The following ACTR3C variants were observed in gnomAD, a reference collection of about 807,000 sequenced individuals.
The protein encoded by ACTR3C is actin related protein 3C, also known as actin-related protein 3C.
In ACTR3C, 18 loss-of-function variants were observed where a neutral mutation model predicts 26.3. That is an observed-to-expected ratio of 0.68 (90% confidence interval 0.47 to 1.01). The LOEUF (loss-of-function observed/expected upper bound fraction) is 1.01. Among genes scored for constraint, ACTR3C ranks in the 50% least tolerant of loss-of-function variants. ACTR3C has a pLI of 0.00. For synonymous variants in ACTR3C, 55 were observed against 94.5 expected (o/e 0.58, Z 2.42); for missense variants, 184 against 250.7 (o/e 0.73, Z 1.80).
chr7:150,179,681 G>T, the ACTR3C span, among the ~76,000 whole-genome samples: 1 of 151,222 alleles, frequency 6.6e-6, no homozygotes, highest in Non-Finnish European at 1.5e-5. Context: ...GTAGAGGCAG[G>T]GGTCTCGCTA....
chr7:150,101,695 A>G, the ACTR3C span, among the ~76,000 whole-genome samples: 4 of 151,530 alleles, frequency 2.6e-5, no homozygotes, highest in African/African-American at 9.7e-5. Context: ...TGAGAGTCTC[A>G]CAGAAGCTCT....
At chr7:150,057,243 T>G in the ACTR3C span, among the ~76,000 whole-genome samples, 1 of 150,720 alleles carries the variant, frequency 6.6e-6, no homozygotes, top group Non-Finnish European at 1.5e-5. Flanking sequence ...GGTATACTTA[T>G]CTGAGCATTT....
chr7:150,156,020 G>C, the ACTR3C span, among the ~76,000 whole-genome samples: 1 of 152,004 alleles, frequency 6.6e-6, no homozygotes, highest in Non-Finnish European at 1.5e-5. Context: ...GGAATGGAGA[G>C]GGAATTGTGG....
intron 7 of ACTR3C, chr7:150,248,210 C>T (rs1284956370): frequency 6.6e-6 from 1 of 152,288 alleles, no homozygotes; most frequent in Non-Finnish European, 1.5e-5. Flanking sequence ...AGTAAGCCCA[C>T]TTCCACCAGG....
chr7:150,297,704 T>C (rs190161840), intron 1 of ACTR3C, among the ~76,000 whole-genome samples: 9,621 of 149,942 alleles, frequency 0.064, no homozygotes, highest in Non-Finnish European at 0.076. Context: ...ATACAAAAAT[T>C]AGCCAGGCAT....
the ACTR3C span, among the ~76,000 whole-genome samples, chr7:150,147,201 GAACT>G: frequency 1.3e-5 from 2 of 152,096 alleles, no homozygotes; most frequent in Admixed American, 6.6e-5. Flanking sequence ...ATTCCCTGAA[GAACT>G]AAGTAACGTG....
the ACTR3C span, among the ~76,000 whole-genome samples, chr7:150,038,130 G>T: frequency 3.7e-4 from 53 of 142,970 alleles, 9 homozygotes; most frequent in African/African-American, 1.3e-3. Flanking sequence ...GGGGAAGAGG[G>T]GATGGATCTC....
the ACTR3C span, among the ~76,000 whole-genome samples, chr7:150,058,552 C>T: frequency 6.6e-6 from 1 of 152,180 alleles, no homozygotes; most frequent in East Asian, 1.9e-4. Context: ...AACATCACTT[C>T]CTCCTGTTTT....
the ACTR3C span, among the ~76,000 whole-genome samples, chr7:149,928,687 C>CA: frequency 6.6e-6 from 1 of 150,726 alleles, no homozygotes; most frequent in Non-Finnish European, 1.5e-5. Flanking sequence ...ACTAAAAATA[C>CA]AAAAAAACAG....
At chr7:150,298,286 A>T (rs1223885025) in intron 1 of ACTR3C, among the ~76,000 whole-genome samples, 1 of 150,332 alleles carries the variant, frequency 6.7e-6, no homozygotes, top group Non-Finnish European at 1.5e-5. Flanking sequence ...CACCCAATAC[A>T]AAGCAAAGAG....
intron 7 of ACTR3C, 75 bp downstream of exon 7, chr7:150,248,873 T>C (rs1385097551): frequency 2.2e-6 from 1 of 445,420 alleles, no homozygotes; most frequent in East Asian, 3.3e-5. Context: ...ATGGGTTCTC[T>C]TGAAACAAAT....
At chr7:150,221,998 C>CAAAAAAAAAA in the ACTR3C span, among the ~76,000 whole-genome samples, 24 of 79,794 alleles carry the variant, frequency 3.0e-4, no homozygotes, top group African/African-American at 1.4e-3. Context: ...ACTCCGTCTC[C>CAAAAAAAAAA]AAAAAAAAAA....
At chr7:150,047,863 G>A in the ACTR3C span, 66 of 1,491,188 alleles carry the variant, frequency 4.4e-5, no homozygotes, top group Non-Finnish European at 5.4e-5. Flanking sequence ...ATCGGGCACC[G>A]CGCTCCTGCT....
the ACTR3C span, among the ~76,000 whole-genome samples, chr7:150,198,809 G>GT: frequency 6.8e-6 from 1 of 146,026 alleles, no homozygotes; most frequent in Admixed American, 6.7e-5. Context: ...GAGGTGGGGG[G>GT]GTCAGCCCCC....
At chr7:150,237,773 G>A in the ACTR3C span, among the ~76,000 whole-genome samples, 1 of 151,678 alleles carries the variant, frequency 6.6e-6, no homozygotes, top group South Asian at 2.1e-4. Context: ...GCCAGCTCTG[G>A]TTCAAGGACT....
At chr7:150,037,020 C>A in the ACTR3C span, among the ~76,000 whole-genome samples, 282 of 75,166 alleles carry the variant, frequency 3.8e-3, no homozygotes, top group African/African-American at 5.8e-3. Flanking sequence ...GGGGTACCAA[C>A]AGCCAGGGGC....
At chr7:150,154,486 G>A in the ACTR3C span, among the ~76,000 whole-genome samples, 1 of 151,740 alleles carries the variant, frequency 6.6e-6, no homozygotes, top group South Asian at 2.1e-4. Flanking sequence ...TTTCTGGAAC[G>A]TATTATTTCT....
chr7:150,042,575 G>T, the ACTR3C span, among the ~76,000 whole-genome samples: 4 of 145,286 alleles, frequency 2.8e-5, no homozygotes, highest in African/African-American at 1.1e-4. Flanking sequence ...TCCCCGCCTC[G>T]CGGGGGGTGC....
At chr7:150,029,417 A>C in the ACTR3C span, among the ~76,000 whole-genome samples, 2 of 47,594 alleles carry the variant, frequency 4.2e-5, no homozygotes, top group South Asian at 6.4e-4. Flanking sequence ...AAAAAAAAAA[A>C]CAAACAAAAA....
Sources: allele counts gnomAD v4.1 joint callset (sites outside exome capture counted in the v4.1 genomes callset), GRCh38; gene constraint gnomAD v4.1.1; transcripts MANE v1.5; gene names NCBI Gene and HGNC (gene_info 2026-07-23, HGNC 2026-07-21).